The following GALNT7 variants were observed in gnomAD, a reference collection of about 807,000 sequenced individuals.
The protein encoded by GALNT7 is polypeptide N-acetylgalactosaminyltransferase 7.
Under a neutral mutation model 82.1 loss-of-function variants are expected in GALNT7, and 60 were observed. The observed-to-expected ratio is 0.73, with a 90% CI of 0.59 to 0.91. GALNT7 has a LOEUF of 0.91. GALNT7 is among the 40% of genes least tolerant of loss of function. The pLI is 0.00. For missense variants in GALNT7, 660 were observed against 804.2 expected (o/e 0.82, Z 2.17); for synonymous variants, 243 against 275.1 (o/e 0.88, Z 1.15).
At chr4:173,236,895 T>C (rs1471696484) in intron 1 of GALNT7, among the ~76,000 whole-genome samples, 1 of 152,242 alleles carries the variant, frequency 6.6e-6, no homozygotes, top group African/African-American at 2.4e-5. Context: ...CTTTTATCTT[T>C]TAATGATGCA....
intron 2 of GALNT7, among the ~76,000 whole-genome samples, chr4:173,254,410 T>G (rs898608647): frequency 2.6e-5 from 4 of 152,204 alleles, no homozygotes; most frequent in Non-Finnish European, 5.9e-5. Flanking sequence ...TAGAATGTAT[T>G]GCTATAATTT....
At chr4:173,286,690 G>A (rs1736335193) in intron 2 of GALNT7, among the ~76,000 whole-genome samples, 1 of 152,210 alleles carries the variant, frequency 6.6e-6, no homozygotes, top group South Asian at 2.1e-4. Context: ...AGGTTCCCAA[G>A]TTAGTGAGTG....
chr4:173,257,591 C>T (rs1427299211), intron 2 of GALNT7, among the ~76,000 whole-genome samples: 2 of 152,018 alleles, frequency 1.3e-5, no homozygotes, highest in Non-Finnish European at 1.5e-5. Context: ...TTAGTCTGTC[C>T]CTGGGAAATG....
chr4:173,307,779 G>A (rs1737213830), intron 8 of GALNT7, among the ~76,000 whole-genome samples: 4 of 152,160 alleles, frequency 2.6e-5, no homozygotes, highest in Admixed American at 2.6e-4. Flanking sequence ...GCTGCAATGT[G>A]GACACTAGCA....
At chr4:173,189,682 T>C (rs1732565207) in intron 1 of GALNT7, among the ~76,000 whole-genome samples, 1 of 152,244 alleles carries the variant, frequency 6.6e-6, no homozygotes, top group Non-Finnish European at 1.5e-5. Flanking sequence ...GGCAACTCCC[T>C]GCAGTAGTCA....
chr4:173,234,994 A>G (rs142751523), intron 1 of GALNT7, among the ~76,000 whole-genome samples: 3,342 of 152,196 alleles, frequency 0.022, 107 homozygotes, highest in African/African-American at 0.074. Context: ...TGAGCCAAAT[A>G]AACCTCTTTT....
chr4:173,242,774 T>C (rs534924708), intron 1 of GALNT7, among the ~76,000 whole-genome samples: 13 of 152,338 alleles, frequency 8.5e-5, no homozygotes, highest in African/African-American at 3.1e-4. Flanking sequence ...CCCAGCCTAC[T>C]GGCACGCCTT....
chr4:173,291,059 T>A (rs1030043341), intron 2 of GALNT7, among the ~76,000 whole-genome samples: 9 of 152,204 alleles, frequency 5.9e-5, no homozygotes, highest in Non-Finnish European at 1.2e-4. Flanking sequence ...TTCCCCAAGT[T>A]GCTATCTTCT....
intron 2 of GALNT7, among the ~76,000 whole-genome samples, chr4:173,283,370 G>A (rs528470229): frequency 6.6e-6 from 1 of 152,168 alleles, no homozygotes; most frequent in African/African-American, 2.4e-5. Flanking sequence ...CGATCTAGAC[G>A]TGGTCATGCC....
intron 2 of GALNT7, 128 bp from the exon 3 acceptor site, chr4:173,291,980 A>G: frequency 1.7e-6 from 1 of 584,468 alleles, no homozygotes; most frequent in Non-Finnish European, 3.0e-6. Flanking sequence ...TAAATTTTGA[A>G]GGCTATATTT....
chr4:173,185,210 A>C (rs1732428275), intron 1 of GALNT7, among the ~76,000 whole-genome samples: 1 of 152,252 alleles, frequency 6.6e-6, no homozygotes. Context: ...GCTTGTTATC[A>C]GTCAGAAATC....
chr4:173,298,142 T>C lies in GALNT7; in HGVS notation c.993T>C (p.Asp331=), dbSNP rs1404866321. ...CCATTTGCACTGTGCCGCTTATAGA[T>C]GTCATAAATGGCAACACATATGAAA... The part of the protein sequence containing the change: ...DRTICTVPLI[D]VINGNTYEII... The change falls in exon 6 of 12, where the codon GAT becomes GAC. Residue 331 remains aspartate (D), a synonymous_variant. Coordinates refer to ENST00000265000, the MANE Select transcript of GALNT7 (RefSeq NM_017423.3). 1 of 1,614,102 alleles carries C rather than the reference T, an allele frequency of 6.2e-7. No individual in the cohort carries two copies. Among genetic ancestry groups the C allele is most frequent in the Non-Finnish European group, 8.5e-7 (1 of 1,179,990 alleles).
At chr4:173,319,398 T>C (rs1224522258) in intron 11 of GALNT7, among the ~76,000 whole-genome samples, 1 of 146,672 alleles carries the variant, frequency 6.8e-6, no homozygotes, top group Non-Finnish European at 1.6e-5. Flanking sequence ...TAACATTCCC[T>C]GTTACTGTCA....
intron 2 of GALNT7, among the ~76,000 whole-genome samples, chr4:173,282,030 G>A (rs1472300039): frequency 2.6e-5 from 4 of 152,108 alleles, no homozygotes; most frequent in Non-Finnish European, 5.9e-5. Flanking sequence ...AAAGCACTTC[G>A]CAGCGGAGAG....
At chr4:173,281,919 G>A (rs138716484) in intron 2 of GALNT7, among the ~76,000 whole-genome samples, 5 of 152,184 alleles carry the variant, frequency 3.3e-5, no homozygotes, top group South Asian at 4.1e-4. Context: ...GCGGTTTCTC[G>A]TTGTCTGAAC....
intron 1 of GALNT7, among the ~76,000 whole-genome samples, chr4:173,244,817 C>G (rs1734563022): frequency 6.6e-6 from 1 of 151,972 alleles, no homozygotes; most frequent in South Asian, 2.1e-4. Context: ...AATTGGATGT[C>G]AGAAGGGTAG....
At chr4:173,250,956 A>C (rs1734827466) in intron 2 of GALNT7, among the ~76,000 whole-genome samples, 1 of 152,110 alleles carries the variant, frequency 6.6e-6, no homozygotes. Context: ...TAATTTGCTA[A>C]GGCCCCACTT....
At chr4:173,269,692 G>C (rs1291295135) in intron 2 of GALNT7, among the ~76,000 whole-genome samples, 1 of 151,998 alleles carries the variant, frequency 6.6e-6, no homozygotes, top group Non-Finnish European at 1.5e-5. Flanking sequence ...ACTTTTTTCA[G>C]GAATACTTAA....
chr4:173,303,213 A>C (rs1336824689), intron 7 of GALNT7, among the ~76,000 whole-genome samples: 1 of 151,338 alleles, frequency 6.6e-6, no homozygotes, highest in East Asian at 1.9e-4. Context: ...AAAAAGAAAG[A>C]GCGAGCGTTA....
Sources: gnomAD v4.1 joint callset for allele counts (sites outside exome capture counted in the v4.1 genomes callset) on GRCh38, gnomAD v4.1.1 for gene constraint, MANE v1.5 for transcripts, NCBI Gene and HGNC (gene_info 2026-07-23, HGNC 2026-07-21) for gene names.